CPEB4: variants seen among roughly 807,000 people sequenced by gnomAD.
The protein encoded by CPEB4 is cytoplasmic polyadenylation element-binding protein 4.
In CPEB4, 12 loss-of-function variants were observed where a neutral mutation model predicts 72.5. The observed-to-expected ratio is 0.17, with a 90% CI of 0.11 to 0.27. CPEB4 has a LOEUF of 0.27. CPEB4 is among the 10% of genes least tolerant of loss of function. The pLI is 1.00. For synonymous variants in CPEB4, 302 were observed against 326.3 expected, an observed-to-expected ratio of 0.93 and a Z score of 0.80; for missense variants, 614 against 908.5, an observed-to-expected ratio of 0.68 and a Z score of 4.17.
chr5:173,901,177 T>A (rs1474697404), intron 1 of CPEB4, among the ~76,000 whole-genome samples: 1 of 152,208 alleles, frequency 6.6e-6, no homozygotes, highest in Non-Finnish European at 1.5e-5. Flanking sequence ...TCAAAATGAA[T>A]GTGATTTATT....
At chr5:173,894,169 T>G (rs1363178376) in intron 1 of CPEB4, among the ~76,000 whole-genome samples, 2 of 151,980 alleles carry the variant, frequency 1.3e-5, no homozygotes, top group African/African-American at 4.8e-5. Flanking sequence ...AATTTTTGTA[T>G]TTTTTTGTAG....
At chr5:173,938,114 T>C (rs1757694057) in intron 3 of CPEB4, among the ~76,000 whole-genome samples, 1 of 152,212 alleles carries the variant, frequency 6.6e-6, no homozygotes, top group Non-Finnish European at 1.5e-5. Flanking sequence ...TCCTTTTAGC[T>C]TCAAGCCTTT....
chr5:173,921,360 A>G (rs913088749), intron 2 of CPEB4, among the ~76,000 whole-genome samples: 1 of 152,180 alleles, frequency 6.6e-6, no homozygotes, highest in Non-Finnish European at 1.5e-5. Context: ...TTTCTGCTTT[A>G]TACTCTTGCC....
chr5:173,908,053 G>A (rs888198794), intron 1 of CPEB4, among the ~76,000 whole-genome samples: 1 of 152,222 alleles, frequency 6.6e-6, no homozygotes, highest in African/African-American at 2.4e-5. Flanking sequence ...GTTCATTGCT[G>A]AAATAGAACA....
At position 173,903,557 on chromosome 5, in the gene CPEB4, A is replaced by T. The variant is rs536847727; in HGVS notation, c.1126-6966A>T. On this transcript the variant is annotated intron_variant, in intron 1 of 9. Coordinates refer to ENST00000265085, the MANE Select transcript of CPEB4 (RefSeq NM_030627.4). ...TGAGACTGTGGGGATGGACCCAGTA[A>T]TCTGTATTTTAACAAGAACTCCAGG... Among the ~76,000 whole-genome samples the T allele has an allele frequency of 7.2e-5, 11 of 152,332 alleles. No individual in the cohort carries two copies. The East Asian group carries it at 2.1e-3, about 29-fold the overall frequency.
At chr5:173,904,728 C>G (rs1756363470) in intron 1 of CPEB4, among the ~76,000 whole-genome samples, 1 of 7,762 alleles carries the variant, frequency 1.3e-4, no homozygotes, top group African/African-American at 3.2e-4. Flanking sequence ...GGGTTTGAAT[C>G]TGACTATGCC....
At chr5:173,911,795 T>G (rs1756674159) in intron 2 of CPEB4, among the ~76,000 whole-genome samples, 1 of 151,522 alleles carries the variant, frequency 6.6e-6, no homozygotes. Context: ...CATTCAGTGA[T>G]TCAATGTTTA....
intron 4 of CPEB4, among the ~76,000 whole-genome samples, chr5:173,944,121 G>A (rs1390851720): frequency 3.3e-5 from 5 of 152,130 alleles, no homozygotes; most frequent in Non-Finnish European, 4.4e-5. Flanking sequence ...CAAATTTAAT[G>A]ACTAGTTTTT....
chr5:173,953,070 C>T (rs138838086), intron 8 of CPEB4, 21 bp from the exon 9 acceptor site: 2 of 1,578,506 alleles, frequency 1.3e-6, no homozygotes, highest in African/African-American at 2.7e-5. Flanking sequence ...TAAATATCCT[C>T]CTTGTTCCTT....
At chr5:173,894,152 C>T (rs1265420892) in intron 1 of CPEB4, among the ~76,000 whole-genome samples, 1 of 152,094 alleles carries the variant, frequency 6.6e-6, no homozygotes, top group Non-Finnish European at 1.5e-5. Context: ...TACTACTATG[C>T]CCGGCTAATT....
At chr5:173,904,676 C>A (rs554310888) in intron 1 of CPEB4, among the ~76,000 whole-genome samples, 74 of 151,080 alleles carry the variant, frequency 4.9e-4, no homozygotes, top group Middle Eastern at 3.4e-3. Context: ...GATCATTACC[C>A]TACCCAAGGA....
Position 173,912,947 on chromosome 5 carries a change from A to C in CPEB4, c.1207+2343A>C, listed in dbSNP as rs568591888. 1.1e-3 allele frequency among the ~76,000 whole-genome samples: 170 copies of C among 151,862 alleles called. 1 individual carries two copies. Among genetic ancestry groups the C allele is most frequent in the African/African-American group, 4.0e-3 (166 of 41,446 alleles). On this transcript the variant is annotated intron_variant, in intron 2 of 9. Transcript: ENST00000265085. ...AAAAAAAAAAAAAAAAAGTATGGAA[A>C]AAGTAGTTAAAGAACATTTGTATAT...
chr5:173,927,067 C>T (rs1229728995), intron 2 of CPEB4, among the ~76,000 whole-genome samples: 1 of 152,116 alleles, frequency 6.6e-6, no homozygotes, highest in Non-Finnish European at 1.5e-5. Flanking sequence ...GGGAGAATCA[C>T]TTGAACCTGG....
intron 1 of CPEB4, among the ~76,000 whole-genome samples, chr5:173,906,385 T>G (rs1756437102): frequency 6.6e-6 from 1 of 152,228 alleles, no homozygotes; most frequent in Non-Finnish European, 1.5e-5. Flanking sequence ...AGAATGGCAA[T>G]CTTAAAACCT....
At chr5:173,897,167 A>C (rs1581108046) in intron 1 of CPEB4, among the ~76,000 whole-genome samples, 2 of 152,318 alleles carry the variant, frequency 1.3e-5, no homozygotes, top group African/African-American at 4.8e-5. Context: ...AGAATTATCA[A>C]TTTTCTCGAA....
intron 9 of CPEB4, among the ~76,000 whole-genome samples, chr5:173,953,730 T>C (rs999940422): frequency 3.8e-4 from 58 of 152,040 alleles, no homozygotes; most frequent in Non-Finnish European, 6.0e-4. Context: ...AGATTTCTTT[T>C]TTTTTTTTTT....
intron 2 of CPEB4, among the ~76,000 whole-genome samples, chr5:173,931,464 G>T (rs1445941552): frequency 6.6e-6 from 1 of 152,188 alleles, no homozygotes; most frequent in Non-Finnish European, 1.5e-5. Flanking sequence ...TAGAAGGTGG[G>T]ACTATAGTAG....
Position 173,951,818 on chromosome 5 carries a change from C to T in CPEB4, c.1666-6C>T, listed in dbSNP as rs750144668. 2.0e-5 allele frequency: 32 copies of T among 1,584,452 alleles called. 3 individuals are homozygous for T. The South Asian group carries it at 3.5e-4, about 18-fold the overall frequency. On this transcript the variant is annotated splice_region_variant and splice_polypyrimidine_tract_variant and intron_variant, in intron 7 of 9. Coordinates refer to ENST00000265085, the MANE Select transcript of CPEB4 (RefSeq NM_030627.4). ...AATGAGACATTTTGGTTTGTACATT[C>T]CCTAGGTCCAGATTCGGCCTTGGAA...
chr5:173,944,906 C>T, intron 4 of CPEB4, 61 bp from the exon 5 acceptor site: 1 of 1,405,116 alleles, frequency 7.1e-7, no homozygotes, highest in African/African-American at 1.4e-5. Context: ...TGTTTCTTTG[C>T]ATGATAATCA....
Sources: allele counts gnomAD v4.1 joint callset (sites outside exome capture counted in the v4.1 genomes callset), GRCh38; gene constraint gnomAD v4.1.1; transcripts MANE v1.5; gene names NCBI Gene and HGNC (gene_info 2026-07-23, HGNC 2026-07-21).